The following KPNA6 variants were observed in gnomAD, a reference collection of about 807,000 sequenced individuals.
KPNA6 encodes the protein karyopherin subunit alpha 6, also known as importin subunit alpha-7.
KPNA6 carries 9 observed loss-of-function variants against 72.0 expected under a neutral mutation model. The observed-to-expected ratio is 0.13, with a 90% confidence interval of 0.08 to 0.22. The LOEUF (loss-of-function observed/expected upper bound fraction) is 0.22. Among genes scored for constraint, KPNA6 ranks in the 10% least tolerant of loss-of-function variants. The probability of loss-of-function intolerance (pLI) is 1.00; values close to 1 mark genes in which losing one functional copy is unlikely to be tolerated. For missense variants in KPNA6, 374 were observed against 655.7 expected (o/e 0.57, Z 4.69); for synonymous variants, 219 against 242.1 (o/e 0.90, Z 0.89).
At chr1:32,123,575 T>C (rs1431653520) in intron 1 of KPNA6, among the ~76,000 whole-genome samples, 2 of 151,690 alleles carry the variant, frequency 1.3e-5, no homozygotes, top group Non-Finnish European at 2.9e-5. Flanking sequence ...ACCCTGTCTC[T>C]ACCAAAGATA....
intron 5 of KPNA6, among the ~76,000 whole-genome samples, chr1:32,158,782 G>A (rs1166254126): frequency 6.6e-6 from 1 of 152,184 alleles, no homozygotes; most frequent in Non-Finnish European, 1.5e-5. Flanking sequence ...CAAAAGTAAT[G>A]TTAGGAAACA....
intron 1 of KPNA6, chr1:32,142,877 T>C: frequency 8.7e-7 from 1 of 1,153,940 alleles, no homozygotes; most frequent in Middle Eastern, 2.5e-4. Flanking sequence ...AGTGAAGTCA[T>C]AAGCAAATAT....
rs1642161908 is a variant in KPNA6 at position 32,157,268 on chromosome 1, G to C, written c.232-78G>C. 7 of 1,086,536 alleles carry C rather than the reference G, an allele frequency of 6.4e-6. No individual in the cohort carries two copies. The Admixed American group carries it at 1.4e-4, about 21-fold the overall frequency. The allele number at this position is 1,086,536 out of a possible 1,614,324, so 67.3% of individuals were successfully genotyped here. A position where few individuals can be genotyped will look rare whatever the true frequency, so the allele number is the denominator to read the frequency against. ...CTTGCCCTCAGTTTTTTAGAAAACA[G>C]GATGCCAAGCAGTATTATGTGCTCA... On this transcript the variant is annotated intron_variant, in intron 3 of 13. Transcript: ENST00000373625.
At chr1:32,122,769 A>G (rs568143255) in intron 1 of KPNA6, among the ~76,000 whole-genome samples, 3 of 152,178 alleles carry the variant, frequency 2.0e-5, no homozygotes, top group South Asian at 4.2e-4. Context: ...CAGCCTAACC[A>G]ACACAGAGAA....
chr1:32,156,630 C>A (rs1320115057), intron 2 of KPNA6, among the ~76,000 whole-genome samples: 1 of 152,180 alleles, frequency 6.6e-6, no homozygotes, highest in Non-Finnish European at 1.5e-5. Context: ...ATGAATTGTT[C>A]ATTTCTGGAA....
intron 6 of KPNA6, 99 bp from the exon 7 acceptor site, chr1:32,160,516 A>G: frequency 1.1e-6 from 1 of 878,054 alleles, no homozygotes; most frequent in Admixed American, 1.8e-5. Flanking sequence ...CCTTGACATC[A>G]TTCTCATCCT....
chr1:32,166,648 G>A (rs2124091587), intron 11 of KPNA6, among the ~76,000 whole-genome samples: 1 of 146,840 alleles, frequency 6.8e-6, no homozygotes, highest in Non-Finnish European at 1.5e-5. Flanking sequence ...AAAAAAGAGG[G>A]GCTGGGCATG....
chr1:32,111,699 C>T (rs1015711679), intron 1 of KPNA6, among the ~76,000 whole-genome samples: 2 of 152,278 alleles, frequency 1.3e-5, no homozygotes, highest in South Asian at 2.1e-4. Context: ...CCCACAAGTA[C>T]GGAACCTGCC....
chr1:32,159,349 G>A lies in KPNA6; in HGVS notation c.427-51G>A, dbSNP rs755200390. The A allele has an allele frequency of 2.5e-6, 4 of 1,600,982 alleles. No individual in the cohort carries two copies. In the African/African-American group the frequency reaches 5.4e-5, roughly 21 times the overall value. ...CTGTTCTGAGCCAGCTGATAGGCAT[G>A]GCTGCTCAGTCTGAAATGACCTTTC... On this transcript the variant is annotated intron_variant, in intron 5 of 13. Coordinates refer to ENST00000373625, the MANE Select transcript of KPNA6 (RefSeq NM_012316.5).
rs768332506 is a variant in KPNA6, at chr1:32,159,460, G to A, written c.487G>A (p.Val163Ile). 8 of 1,614,030 alleles carry A rather than the reference G, an allele frequency of 5.0e-6. No individual in the cohort carries two copies. In the South Asian group the frequency reaches 8.8e-5, roughly 18 times the overall value. ...ASGTSQQTKIVIEAGAVPIFI... is the reference protein window; with the variant it reads ...ASGTSQQTKIIIEAGAVPIFI... ...TGGAACCTCTCAGCAGACCAAAATT[G>A]TCATTGAAGCAGGGGCTGTCCCCAT... Residue 163 changes from valine (V) to isoleucine (I), a missense_variant, in exon 6 of 14, where the codon GTC becomes ATC. By Grantham distance (29) the Val-to-Ile change is conservative. Coordinates refer to ENST00000373625, the MANE Select transcript of KPNA6 (RefSeq NM_012316.5).
chr1:32,137,844 G>C (rs1356427145), intron 1 of KPNA6, among the ~76,000 whole-genome samples: 1 of 152,046 alleles, frequency 6.6e-6, no homozygotes, highest in African/African-American at 2.4e-5. Flanking sequence ...CTGCGAAATA[G>C]GGAAGATAGG....
At chr1:32,119,011 T>C (rs1383877356) in intron 1 of KPNA6, among the ~76,000 whole-genome samples, 117 of 67,552 alleles carry the variant, frequency 1.7e-3, no homozygotes, top group South Asian at 4.7e-3. Flanking sequence ...TATATATATA[T>C]ATATATATAT....
rs1192427777 is a variant in KPNA6, at chr1:32,166,311, A to T, written c.1116+81A>T. On this transcript the variant is annotated intron_variant, in intron 11 of 13. Coordinates refer to ENST00000373625, the MANE Select transcript of KPNA6 (RefSeq NM_012316.5). ...GTTGGAATATTTGCTTTCAGAAGAAAGAATTTGTTTCCCTTTAAAAATAGG... is the reference window on the plus strand; with the variant it reads ...GTTGGAATATTTGCTTTCAGAAGAATGAATTTGTTTCCCTTTAAAAATAGG... The T allele has an allele frequency of 2.0e-6, 3 of 1,496,936 alleles. No homozygotes were observed. In the African/African-American group the frequency reaches 4.2e-5, roughly 21 times the overall value. The allele number at this position is 1,496,936 out of a possible 1,614,324, so 92.7% of individuals were successfully genotyped here.
intron 1 of KPNA6, among the ~76,000 whole-genome samples, chr1:32,138,900 A>G (rs1445109387): frequency 6.6e-6 from 1 of 152,160 alleles, no homozygotes; most frequent in Non-Finnish European, 1.5e-5. Flanking sequence ...TGTAGTTTTT[A>G]TAATGGATGG....
chr1:32,166,025 AAC>A, intron 10 of KPNA6, 78 bp from the exon 11 acceptor site: 2 of 1,476,486 alleles, frequency 1.4e-6, no homozygotes, highest in East Asian at 2.4e-5. Flanking sequence ...CAACAACAAC[AAC>A]AACAACAACA....
intron 6 of KPNA6, 74 bp from the exon 7 acceptor site, chr1:32,160,537 CACTT>C (rs1642219323): frequency 9.4e-7 from 1 of 1,062,108 alleles, no homozygotes; most frequent in Admixed American, 1.7e-5. Flanking sequence ...GGTGGGTACT[CACTT>C]TGCAGTTGTG....
At position 32,161,426 on chromosome 1, in the gene KPNA6, C is replaced by A. The variant is rs1400025284; in HGVS notation, c.648-521C>A. On this transcript the variant is annotated intron_variant, in intron 7 of 13. Coordinates refer to ENST00000373625, the MANE Select transcript of KPNA6 (RefSeq NM_012316.5). ...TTGTATCCTTCTCCCATCCTTCCCT[C>A]CGTACCCTTAGAGTAAACTATGCCT... is the stretch of plus-strand genomic sequence containing the variant. 2.6e-5 allele frequency among the ~76,000 whole-genome samples: 4 copies of A among 152,326 alleles called. No individual in the cohort carries two copies. In the South Asian group the frequency reaches 8.3e-4, roughly 32 times the overall value.
intron 1 of KPNA6, among the ~76,000 whole-genome samples, chr1:32,143,761 A>G (rs1243025285): frequency 2.6e-5 from 4 of 151,804 alleles, no homozygotes; most frequent in African/African-American, 7.3e-5. Flanking sequence ...ATAACTCCCT[A>G]TTTTCCTCTC....
intron 1 of KPNA6, among the ~76,000 whole-genome samples, chr1:32,118,918 A>G (rs936149662): frequency 2.0e-5 from 3 of 149,466 alleles, no homozygotes; most frequent in African/African-American, 7.4e-5. Context: ...GTGATAATTA[A>G]TAGCTGTTAA....
Sources: gnomAD v4.1 joint callset for allele counts (sites outside exome capture counted in the v4.1 genomes callset) on GRCh38, gnomAD v4.1.1 for gene constraint, MANE v1.5 for transcripts, NCBI Gene and HGNC (gene_info 2026-07-23, HGNC 2026-07-21) for gene names.